SLC5A7: variants seen among roughly 807,000 people sequenced by gnomAD.
SLC5A7 encodes high affinity choline transporter 1.
In SLC5A7, 19 loss-of-function variants were observed where a neutral mutation model predicts 55.4. That is an observed-to-expected ratio of 0.34 (90% CI 0.24 to 0.50). The LOEUF (loss-of-function observed/expected upper bound fraction) is 0.50. Ranked by LOEUF, SLC5A7 falls within the 20% of genes least tolerant of loss-of-function variation. SLC5A7 has a pLI of 0.98. For missense variants in SLC5A7, 506 were observed against 705.3 expected (o/e 0.72, Z 3.20); for synonymous variants, 265 against 263.7 (o/e 1.00, Z -0.05).
rs188468218 is a variant in SLC5A7, at chr2:108,009,160, T to G, written c.1113+478T>G. 1.5e-3 allele frequency among the ~76,000 whole-genome samples: 227 copies of G among 152,232 alleles called. 1 individual carries two copies. Among genetic ancestry groups the G allele is most frequent in the Non-Finnish European group, 1.3e-3 (87 of 68,018 alleles). On this transcript the variant is annotated intron_variant, in intron 8 of 8. Transcript: ENST00000264047. The stretch of plus-strand genomic sequence containing the variant: ...ATCCTCTCAATTTGATTTTCTTTAT[T>G]GAATCAAAGTGGCTGCAAAACAGCA...
At chr2:107,990,068 T>C (rs1486780071) in intron 2 of SLC5A7, among the ~76,000 whole-genome samples, 4 of 152,192 alleles carry the variant, frequency 2.6e-5, no homozygotes, top group African/African-American at 9.6e-5. Flanking sequence ...CCTTGTCAGA[T>C]TGATTGACTT....
chr2:108,008,815 G>A (rs978951712), intron 8 of SLC5A7, 133 bp downstream of exon 8: 22 of 609,484 alleles, frequency 3.6e-5, no homozygotes, highest in South Asian at 2.3e-4. Flanking sequence ...TTAAGCATAC[G>A]AGATTAAATA....
intron 3 of SLC5A7, 83 bp from the exon 4 acceptor site, chr2:107,992,889 T>C: frequency 6.7e-7 from 1 of 1,493,666 alleles, no homozygotes; most frequent in Non-Finnish European, 9.1e-7. Context: ...GAAAATGCAT[T>C]TTCCTTGATA....
rs185457514 is a variant in SLC5A7 at position 107,992,396 on chromosome 2, A to G, written c.292+177A>G. 2.8e-4 allele frequency among the ~76,000 whole-genome samples: 43 copies of G among 152,328 alleles called. 2 individuals are homozygous for G. The highest frequency in any genetic ancestry group is 1.0e-3 in the African/African-American group (43 of 41,570). The stretch of plus-strand genomic sequence containing the variant: ...TAAGTAGCAGAACACTAATGCTTAA[A>G]TTATTTGATCTCTTGGTTAGGAATA... On this transcript the variant is annotated intron_variant, in intron 3 of 8. Coordinates refer to ENST00000264047, the MANE Select transcript of SLC5A7 (RefSeq NM_021815.5).
chr2:108,010,258 T>A lies in SLC5A7; in HGVS notation c.1140T>A (p.Val380=). Residue 380 remains valine, a synonymous_variant, in exon 9 of 9, where the codon GTT becomes GTA. Coordinates refer to ENST00000264047, the MANE Select transcript of SLC5A7 (RefSeq NM_021815.5). The stretch of plus-strand genomic sequence containing the variant: ...CTTCGGACAAAGAAATCGTTTGGGT[T>A]ATGCGAATCACAGTGTTTGTGTTTG... ...QNASDKEIVW[V]MRITVFVFGA... 1 of 1,613,810 alleles carries A rather than the reference T, an allele frequency of 6.2e-7. No homozygotes were observed.
At chr2:107,998,719 T>G (rs1677772543) in intron 5 of SLC5A7, among the ~76,000 whole-genome samples, 1 of 152,178 alleles carries the variant, frequency 6.6e-6, no homozygotes, top group African/African-American at 2.4e-5. Flanking sequence ...ATGTACATTA[T>G]CTCACCATAC....
At chr2:107,992,691 G>A (rs1458265795) in intron 3 of SLC5A7, among the ~76,000 whole-genome samples, 1 of 152,142 alleles carries the variant, frequency 6.6e-6, no homozygotes, top group Non-Finnish European at 1.5e-5. Flanking sequence ...GAAATGCATT[G>A]AGGCATTTAA....
chr2:107,995,282 T>G (rs1460039804), intron 4 of SLC5A7, among the ~76,000 whole-genome samples: 1 of 152,180 alleles, frequency 6.6e-6, no homozygotes, highest in Non-Finnish European at 1.5e-5. Flanking sequence ...TTCATTATGA[T>G]TTTATGAGAA....
rs138053212 is a variant in SLC5A7, at chr2:107,994,877, A to G, written c.448+1750A>G. 3.9e-5 allele frequency among the ~76,000 whole-genome samples: 6 copies of G among 152,334 alleles called. No individual in the cohort carries two copies. The East Asian group carries it at 1.2e-3, about 29-fold the overall frequency. ...ATGTTCACTCATTGAGTAAAGATCAACTTATATAACAGAGCCCTGAAGAAA... is the reference window on the plus strand; with the variant it reads ...ATGTTCACTCATTGAGTAAAGATCAGCTTATATAACAGAGCCCTGAAGAAA... On this transcript the variant is annotated intron_variant, in intron 4 of 8. Coordinates refer to ENST00000264047, the MANE Select transcript of SLC5A7 (RefSeq NM_021815.5).
At chr2:107,996,498 C>T (rs1446532089) in intron 4 of SLC5A7, among the ~76,000 whole-genome samples, 1 of 152,136 alleles carries the variant, frequency 6.6e-6, no homozygotes, top group Non-Finnish European at 1.5e-5. Context: ...ACTAGCATGC[C>T]AATTGAGGAA....
Position 108,008,626 on chromosome 2 carries a change from T to C in SLC5A7, c.1057T>C (p.Leu353=), listed in dbSNP as rs2104379414. Reference sequence around the variant, plus strand: ...TATGTCATCAGCAGATTCTTCCATCTTGTCAGCAAGTTCCATGTTTGCACG... The same window carrying C: ...TATGTCATCAGCAGATTCTTCCATCCTGTCAGCAAGTTCCATGTTTGCACG... ...AVMSSADSSI[L]SASSMFARNI... The change falls in exon 8 of 9, where the codon TTG becomes CTG. Residue 353 remains leucine, a synonymous_variant. Transcript: ENST00000264047. 1 of 1,613,652 alleles carries C rather than the reference T, an allele frequency of 6.2e-7. No homozygotes were observed. Among genetic ancestry groups the C allele is most frequent in the African/African-American group, 1.3e-5 (1 of 74,960 alleles).
At chr2:108,001,034 TCTC>T (rs1677870973) in intron 5 of SLC5A7, among the ~76,000 whole-genome samples, 1 of 150,932 alleles carries the variant, frequency 6.6e-6, no homozygotes, top group Non-Finnish European at 1.5e-5. Context: ...TTCAAGCAAT[TCTC>T]CTGCCTCAGC....
chr2:108,008,353 G>A (rs1678196500), intron 7 of SLC5A7, 112 bp from the exon 8 acceptor site: 2 of 733,442 alleles, frequency 2.7e-6, no homozygotes, highest in Non-Finnish European at 4.5e-6. Context: ...CCAGACTAAT[G>A]TATATGATTC....
chr2:107,997,691 A>T, intron 4 of SLC5A7, 147 bp from the exon 5 acceptor site: 1 of 708,206 alleles, frequency 1.4e-6, no homozygotes. Flanking sequence ...ATTTCAATAT[A>T]AAAATTAACT....
chr2:107,992,190 C>A lies in SLC5A7; in HGVS notation c.263C>A (p.Pro88Gln), dbSNP rs1286098868. The A allele has an allele frequency of 6.2e-7, 1 of 1,613,274 alleles. No homozygotes were observed. The highest frequency in any genetic ancestry group is 8.5e-7 in the Non-Finnish European group (1 of 1,179,346). Residue 88 changes from proline to glutamine, a missense_variant, in exon 3 of 9, where the codon CCA becomes CAA. This residue lies in a region of SLC5A7 where 309 missense variants were observed against 478.6 expected (regional missense o/e 0.65). Transcript: ENST00000264047. Reference protein sequence around the residue: ...PGYGLAWAQAPIGYSLSLILG... With the variant: ...PGYGLAWAQAQIGYSLSLILG... ...TATGGCCTAGCTTGGGCTCAGGCAC[C>A]AATTGGATATTCTCTTAGTCTGATT... is the stretch of plus-strand genomic sequence containing the variant.
chr2:107,993,732 T>C (rs78165178), intron 4 of SLC5A7, among the ~76,000 whole-genome samples: 1,690 of 152,252 alleles, frequency 0.011, 33 homozygotes, highest in African/African-American at 0.038. Flanking sequence ...TTCAGAGATG[T>C]TGACTTTTTA....
At chr2:108,008,367 G>A (rs1678196907) in intron 7 of SLC5A7, 98 bp from the exon 8 acceptor site, 1 of 865,572 alleles carries the variant, frequency 1.2e-6, no homozygotes, top group Non-Finnish European at 1.8e-6. Context: ...ATGATTCTGA[G>A]TTTATTTCAA....
intron 4 of SLC5A7, among the ~76,000 whole-genome samples, chr2:107,995,553 A>G (rs943471637): frequency 1.5e-4 from 23 of 151,792 alleles, no homozygotes; most frequent in Admixed American, 4.6e-4. Flanking sequence ...AAGCACTGAA[A>G]GTCTAAACTT....
intron 7 of SLC5A7, among the ~76,000 whole-genome samples, chr2:108,007,235 C>G (rs1678159063): frequency 6.6e-6 from 1 of 151,932 alleles, no homozygotes; most frequent in South Asian, 2.1e-4. Context: ...TAAAGGTGAT[C>G]CAGGGTGATG....
Sources: gnomAD v4.1 joint callset for allele counts (sites outside exome capture counted in the v4.1 genomes callset) on GRCh38, gnomAD v4.1.1 for gene constraint, gnomAD v4.1.1 regional missense constraint, MANE v1.5 for transcripts, NCBI Gene and HGNC (gene_info 2026-07-23, HGNC 2026-07-21) for gene names.